The following GAS7 variants were observed in gnomAD, a reference collection of about 807,000 sequenced individuals.
GAS7 encodes the protein growth arrest-specific protein 7.
A neutral mutation model predicts 71.1 loss-of-function variants in GAS7; 28 were observed. The ratio of observed to expected loss-of-function variants is 0.39; its 90% CI spans 0.29 to 0.54. The LOEUF (loss-of-function observed/expected upper bound fraction) is 0.54. Among genes scored for constraint, GAS7 ranks in the 20% least tolerant of loss-of-function variants. The pLI, the probability that GAS7 is intolerant of heterozygous loss-of-function variation, is 0.62. For synonymous variants in GAS7, 258 were observed against 245.8 expected (o/e 1.05, Z -0.46); for missense variants, 436 against 627.8 (o/e 0.69, Z 3.27).
At chr17:10,056,137 T>C (rs2073133125) in intron 1 of GAS7, among the ~76,000 whole-genome samples, 1 of 150,390 alleles carries the variant, frequency 6.6e-6, no homozygotes, top group Non-Finnish European at 1.5e-5. Flanking sequence ...CACTTTGAGA[T>C]CGCTTGAGTT....
intron 1 of GAS7, among the ~76,000 whole-genome samples, chr17:10,029,835 G>A (rs142862090): frequency 6.6e-6 from 1 of 151,718 alleles, no homozygotes; most frequent in African/African-American, 2.4e-5. Context: ...CTGGGTGACA[G>A]AGCGAGACTC....
At chr17:9,975,282 G>A (rs34074730) in intron 3 of GAS7, among the ~76,000 whole-genome samples, 71,639 of 151,928 alleles carry the variant, frequency 0.47, 18,485 homozygotes, top group African/African-American at 0.68. Context: ...TTGAACCCGG[G>A]AGGTGGAGGC....
chr17:10,056,694 AC>A (rs1475064007), intron 1 of GAS7, among the ~76,000 whole-genome samples: 1 of 151,692 alleles, frequency 6.6e-6, no homozygotes, highest in Non-Finnish European at 1.5e-5. Flanking sequence ...ACACGGTGAA[AC>A]CCCGTCTCTA....
intron 2 of GAS7, 64 bp downstream of exon 2, chr17:10,019,713 T>C: frequency 6.6e-7 from 1 of 1,507,820 alleles, no homozygotes; most frequent in Non-Finnish European, 9.0e-7. Context: ...AGAAAAAACG[T>C]GCCCCTCTAG....
At chr17:9,964,494 C>A (rs2069626308) in intron 4 of GAS7, among the ~76,000 whole-genome samples, 1 of 152,206 alleles carries the variant, frequency 6.6e-6, no homozygotes, top group Non-Finnish European at 1.5e-5. Flanking sequence ...CACAGCCACA[C>A]TGGGTCTCTA....
At chr17:10,133,122 A>ATATATTT (rs1392845338) in intron 1 of GAS7, among the ~76,000 whole-genome samples, 3 of 118,924 alleles carry the variant, frequency 2.5e-5, no homozygotes, top group Middle Eastern at 4.5e-3. Context: ...ATATTTTTAT[A>ATATATTT]TTTTTTTTTT....
chr17:10,155,127 G>A (rs766140892), intron 1 of GAS7, among the ~76,000 whole-genome samples: 5 of 151,576 alleles, frequency 3.3e-5, no homozygotes, highest in Admixed American at 6.6e-5. Context: ...CGATTCTCCT[G>A]TCTCAGCCTC....
chr17:10,101,194 C>G (rs571890776), intron 1 of GAS7, among the ~76,000 whole-genome samples: 1 of 152,308 alleles, frequency 6.6e-6, no homozygotes, highest in East Asian at 1.9e-4. Context: ...CGAGCCTTAC[C>G]CAGGGTCTCT....
intron 1 of GAS7, among the ~76,000 whole-genome samples, chr17:10,040,631 C>T (rs1320326230): frequency 1.3e-5 from 2 of 150,518 alleles, no homozygotes; most frequent in African/African-American, 4.9e-5. Flanking sequence ...AAAGGCAATG[C>T]TCAAGCCTAC....
chr17:9,936,719 AC>A (rs2152086285), intron 8 of GAS7, among the ~76,000 whole-genome samples: 1 of 152,342 alleles, frequency 6.6e-6, no homozygotes, highest in Non-Finnish European at 1.5e-5. Flanking sequence ...GAAAAACAAA[AC>A]AAAACCTGAG....
chr17:9,940,228 T>C, intron 7 of GAS7, 28 bp from the exon 8 acceptor site: 1 of 1,586,234 alleles, frequency 6.3e-7, no homozygotes, highest in South Asian at 1.1e-5. Context: ...CCAACACACA[T>C]CAGCTCTCCA....
chr17:9,926,891 C>G lies in GAS7; in HGVS notation c.886-122G>C. Reference sequence around the variant, plus strand: ...GCAAGTGAGGATGAGTCTGGGGTAGCGACCTGGCAGGAAGGTGAGAGACAC... The same window carrying G: ...GCAAGTGAGGATGAGTCTGGGGTAGGGACCTGGCAGGAAGGTGAGAGACAC... On this transcript the variant is annotated intron_variant, in intron 9 of 13. Coordinates refer to ENST00000432992, the MANE Select transcript of GAS7 (RefSeq NM_201433.2). The surrounding 1 kb of genome is among the most constrained non-coding windows in gnomAD (Gnocchi z 5.0). 2.9e-6 allele frequency: 3 copies of G among 1,039,850 alleles called. No individual in the cohort carries two copies. The South Asian group carries it at 4.1e-5, about 14-fold the overall frequency. 64.4% of individuals were successfully genotyped at this position (1,039,850 alleles called of 1,614,324 possible).
chr17:9,965,816 C>G (rs2069684474), intron 4 of GAS7, among the ~76,000 whole-genome samples: 1 of 152,098 alleles, frequency 6.6e-6, no homozygotes, highest in Non-Finnish European at 1.5e-5. Flanking sequence ...CACCAGATCA[C>G]CACCTCCTGT....
chr17:9,965,624 A>T (rs2069675462), intron 4 of GAS7, among the ~76,000 whole-genome samples: 1 of 152,204 alleles, frequency 6.6e-6, no homozygotes, highest in South Asian at 2.1e-4. Flanking sequence ...GCACATGTGT[A>T]CCTATGTAAC....
intron 1 of GAS7, among the ~76,000 whole-genome samples, chr17:10,089,328 C>T (rs778668365): frequency 1.9e-4 from 29 of 152,154 alleles, no homozygotes; most frequent in Admixed American, 3.3e-4. Flanking sequence ...ATCCAATCCT[C>T]CAGCACAAAA....
At chr17:10,136,857 G>A (rs112981826) in intron 1 of GAS7, among the ~76,000 whole-genome samples, 6,508 of 152,136 alleles carry the variant, frequency 0.043, 322 homozygotes, top group East Asian at 0.15. Flanking sequence ...CGTGGCTCAC[G>A]CCTGTAAAAA....
intron 8 of GAS7, 36 bp downstream of exon 8, chr17:9,940,090 A>T (rs1233991884): frequency 8.7e-7 from 1 of 1,147,216 alleles, no homozygotes; most frequent in Non-Finnish European, 1.3e-6. Flanking sequence ...GTGACCCCCC[A>T]TCCTCCCCAC....
At chr17:10,134,155 C>T (rs911166794) in intron 1 of GAS7, among the ~76,000 whole-genome samples, 4 of 152,164 alleles carry the variant, frequency 2.6e-5, no homozygotes, top group Non-Finnish European at 4.4e-5. Context: ...TTCAGCCTCC[C>T]GAGTAGCTGG....
At chr17:10,081,961 A>G (rs1294598889) in intron 1 of GAS7, among the ~76,000 whole-genome samples, 1 of 152,236 alleles carries the variant, frequency 6.6e-6, no homozygotes, top group Non-Finnish European at 1.5e-5. Context: ...GCATAAGGAT[A>G]AGCATTACAC....
Sources: allele counts gnomAD v4.1 joint callset (sites outside exome capture counted in the v4.1 genomes callset), GRCh38; gene constraint gnomAD v4.1.1; non-coding constraint Gnocchi (gnomAD v3.1); transcripts MANE v1.5; gene names NCBI Gene and HGNC (gene_info 2026-07-23, HGNC 2026-07-21).